Variants in KTN1 observed in about 807,000 individuals in gnomAD.
KTN1 encodes the protein kinectin.
In KTN1, 130 loss-of-function variants were observed where a neutral mutation model predicts 222.5. The ratio of observed to expected loss-of-function variants is 0.58; its 90% confidence interval spans 0.51 to 0.68. The LOEUF is 0.68. Among genes scored for constraint, KTN1 ranks in the 30% least tolerant of loss-of-function variants. The probability of loss-of-function intolerance (pLI) is 0.00; values close to 1 mark genes in which losing one functional copy is unlikely to be tolerated. For missense variants in KTN1, 1,508 were observed against 1,500.4 expected (o/e 1.01, Z -0.08); for synonymous variants, 512 against 496.3 (o/e 1.03, Z -0.42).
chr14:55,589,350 G>A (rs993386282), intron 1 of KTN1, among the ~76,000 whole-genome samples: 3 of 152,056 alleles, frequency 2.0e-5, no homozygotes, highest in Non-Finnish European at 4.4e-5. Flanking sequence ...CCAGGCTGGA[G>A]TGCAGTGGTA....
Position 55,587,169 on chromosome 14 carries a change from A to G in KTN1, c.-31+6815A>G, listed in dbSNP as rs546903652. Among the ~76,000 whole-genome samples, 12 of 152,244 alleles carry G rather than the reference A, an allele frequency of 7.9e-5. No homozygotes were observed. In the South Asian group the frequency reaches 2.5e-3, roughly 32 times the overall value. Reference sequence around the variant, plus strand: ...GCTAGTGCTCAATTTGAATGAATGGATGGTCTGATGCTTGAAAATGATTGG... The same window carrying G: ...GCTAGTGCTCAATTTGAATGAATGGGTGGTCTGATGCTTGAAAATGATTGG... On this transcript the variant is annotated intron_variant, in intron 1 of 43. Coordinates refer to ENST00000395314, the MANE Select transcript of KTN1 (RefSeq NM_001079521.2).
At position 55,679,678 on chromosome 14, in the gene KTN1, G is replaced by T. The variant is rs1474475652; in HGVS notation, c.4062G>T (p.Gln1354His). The change falls in exon 43 of 44, where the codon CAG (glutamine) becomes CAT (histidine). Residue 1354 changes from glutamine (Q) to histidine (H), a missense_variant. Physicochemically the swap from Gln to His is conservative, Grantham distance 24 (BLOSUM62 0). Transcript: ENST00000395314. Reference sequence around the variant, plus strand: ...TCACAAAGGAGAAAGAGCACTACCAGGTGTTAGGTAAGGACAACTGAAATA... The same window carrying T: ...TCACAAAGGAGAAAGAGCACTACCATGTGTTAGGTAAGGACAACTGAAATA... Reference protein sequence around the residue: ...QQLTKEKEHYQVLE With the variant: ...QQLTKEKEHYHVLE 1 of 1,613,790 alleles carries T rather than the reference G, an allele frequency of 6.2e-7. No individual in the cohort carries two copies. Among genetic ancestry groups the T allele is most frequent in the Non-Finnish European group, 8.5e-7 (1 of 1,179,808 alleles).
At chr14:55,657,301 T>G (rs2043583357) in intron 29 of KTN1, among the ~76,000 whole-genome samples, 1 of 152,190 alleles carries the variant, frequency 6.6e-6, no homozygotes, top group South Asian at 2.1e-4. Context: ...TAATTTGCAT[T>G]TGACTGCGAG....
At chr14:55,595,055 T>C (rs1000876576) in intron 1 of KTN1, among the ~76,000 whole-genome samples, 1 of 152,230 alleles carries the variant, frequency 6.6e-6, no homozygotes, top group Non-Finnish European at 1.5e-5. Context: ...ATAGAACACA[T>C]GCAGAAAAGA....
chr14:55,632,598 G>A (rs909956236), intron 7 of KTN1, among the ~76,000 whole-genome samples: 3 of 63,746 alleles, frequency 4.7e-5, no homozygotes, highest in South Asian at 1.1e-3. Flanking sequence ...GAGAGTTATG[G>A]AGAGATGAAT....
chr14:55,639,876 A>G (rs372625948), intron 13 of KTN1, 37 bp from the exon 14 acceptor site: 16 of 1,269,840 alleles, frequency 1.3e-5, no homozygotes, highest in Non-Finnish European at 1.8e-5. Flanking sequence ...TGACTTCTGA[A>G]TGTTTATTGA....
intron 31 of KTN1, among the ~76,000 whole-genome samples, chr14:55,660,697 T>C (rs2044040090): frequency 1.3e-5 from 2 of 152,212 alleles, no homozygotes; most frequent in African/African-American, 4.8e-5. Context: ...TTGGCAAATA[T>C]TTTCTGTAAA....
At chr14:55,678,258 A>G (rs2046052498) in intron 41 of KTN1, 94 bp from the exon 42 acceptor site, 2 of 753,560 alleles carry the variant, frequency 2.7e-6, no homozygotes, top group Non-Finnish European at 4.4e-6. Flanking sequence ...TTTTGAGAGG[A>G]GCTTTTATCT....
chr14:55,617,958 T>C lies in KTN1; in HGVS notation c.662-6T>C. On this transcript the variant is annotated splice_region_variant and splice_polypyrimidine_tract_variant and intron_variant, in intron 3 of 43. Transcript: ENST00000395314. ...TAATTATGATTTTGTTGAACTTAAATTGCAGTCTTCGTAGATGAACCCCTT... is the reference window on the plus strand; with the variant it reads ...TAATTATGATTTTGTTGAACTTAAACTGCAGTCTTCGTAGATGAACCCCTT... The C allele has an allele frequency of 6.4e-7, 1 of 1,555,170 alleles. No individual in the cohort carries two copies. Among genetic ancestry groups the C allele is most frequent in the South Asian group, 1.2e-5 (1 of 81,248 alleles).
At chr14:55,599,254 T>C (rs77520850) in intron 1 of KTN1, among the ~76,000 whole-genome samples, 5,830 of 152,292 alleles carry the variant, frequency 0.038, 157 homozygotes, top group Non-Finnish European at 0.055. Flanking sequence ...TAATAGTCTT[T>C]CACATTCTGT....
At chr14:55,669,918 TC>T (rs1176129084) in intron 34 of KTN1, among the ~76,000 whole-genome samples, 1 of 152,044 alleles carries the variant, frequency 6.6e-6, no homozygotes, top group African/African-American at 2.4e-5. Context: ...TGAGTTTTTT[TC>T]TTAAATTTAA....
chr14:55,649,461 G>T (rs970895916), intron 21 of KTN1, among the ~76,000 whole-genome samples: 6 of 152,158 alleles, frequency 3.9e-5, no homozygotes, highest in African/African-American at 1.4e-4. Context: ...TAAGACTCTA[G>T]TAAAAGAGGC....
chr14:55,680,509 A>G (rs2046268247), intron 43 of KTN1: 7 of 422,088 alleles, frequency 1.7e-5, no homozygotes, highest in South Asian at 1.3e-4. Flanking sequence ...ATTTTCTCTA[A>G]AACAATCATG....
intron 36 of KTN1, 65 bp downstream of exon 36, chr14:55,671,720 C>T: frequency 6.6e-7 from 1 of 1,522,190 alleles, no homozygotes; most frequent in Middle Eastern, 1.7e-4. Flanking sequence ...TCCTTCATGG[C>T]CTAAATAGTT....
In KTN1 at chr14:55,646,994, C is replaced by A; in HGVS notation, c.2194C>A (p.Gln732Lys). 6.5e-7 allele frequency: 1 copy of A among 1,532,934 alleles called. No individual in the cohort carries two copies. Among genetic ancestry groups the A allele is most frequent in the Non-Finnish European group, 9.0e-7 (1 of 1,109,942 alleles). The allele number at this position is 1,532,934 out of a possible 1,614,324, so 95.0% of individuals were successfully genotyped here. ...SEQPNKDVVE[Q>K]MEKCIQEKDE... is the part of the protein sequence containing the mutation. ...TTAGCCTAATAAGGATGTTGTGGAA[C>A]AAATGGAAAAATGGTAAGAGTTTAG... The change falls in exon 19 of 44, where the codon CAA becomes AAA. Residue 732 changes from glutamine (Q) to lysine (K), a missense_variant. Gln to Lys is a moderately conservative substitution (Grantham distance 53, BLOSUM62 1). Transcript: ENST00000395314.
chr14:55,646,870 A>G (rs577613530), intron 18 of KTN1, 103 bp from the exon 19 acceptor site: 90 of 738,846 alleles, frequency 1.2e-4, no homozygotes, highest in East Asian at 1.0e-4. Flanking sequence ...TTTTGTATCT[A>G]TTTAATAACC....
rs1566788874 is a variant in KTN1 at position 55,646,496 on chromosome 14, TTTCC to T, written c.2173-474_2173-471del. Among the ~76,000 whole-genome samples, 80 of 113,966 alleles carry T rather than the reference TTTCC, an allele frequency of 7.0e-4. No individual in the cohort carries two copies. The South Asian group carries it at 0.013, about 18-fold the overall frequency. The allele number at this position is 113,966 out of a possible 152,430, so 74.8% of individuals were successfully genotyped here. The stretch of plus-strand genomic sequence containing the variant: ...TTTCCTTTCCTTTCCTTTCCTTTCC[TTTCC>T]TTTCCTTTCCTTTCCTTTCCTTTCC... On this transcript the variant is annotated intron_variant, in intron 18 of 43. Transcript: ENST00000395314.
rs2036873883 is a variant in KTN1, at chr14:55,607,311, A to G, written c.-30-4708A>G. 2.0e-5 allele frequency: 3 copies of G among 152,208 alleles called. No individual in the cohort carries two copies. The South Asian group carries it at 6.2e-4, about 31-fold the overall frequency. 9.4% of individuals were successfully genotyped at this position (152,208 alleles called of 1,614,324 possible). A position where few individuals can be genotyped will look rare whatever the true frequency, so the allele number is the denominator to read the frequency against. On this transcript the variant is annotated intron_variant, in intron 1 of 43. Transcript: ENST00000395314. Reference sequence around the variant, plus strand: ...TACTCTGACGAAACACGACTTACATATTATGCGTGTTAACTTATTATAATT... The same window carrying G: ...TACTCTGACGAAACACGACTTACATGTTATGCGTGTTAACTTATTATAATT...
At position 55,637,271 on chromosome 14, in the gene KTN1, A is replaced by G. The variant is rs751071998; in HGVS notation, c.1623A>G (p.Val541=). The G allele has an allele frequency of 6.2e-6, 10 of 1,612,054 alleles. No individual in the cohort carries two copies. The African/African-American group carries it at 8.0e-5, about 13-fold the overall frequency. Residue 541 remains valine, a synonymous_variant, in exon 11 of 44, where the codon GTA becomes GTG. Coordinates refer to ENST00000395314, the MANE Select transcript of KTN1 (RefSeq NM_001079521.2). ...SLHSKLTDTL[V]SKQQLEQRLM... ...ATAGTAAGCTTACAGATACCTTGGT[A>G]TCAAAACAACAGTTGGAGCAAAGAC...
Sources: allele counts gnomAD v4.1 joint callset (sites outside exome capture counted in the v4.1 genomes callset), GRCh38; gene constraint gnomAD v4.1.1; transcripts MANE v1.5; gene names NCBI Gene and HGNC (gene_info 2026-07-23, HGNC 2026-07-21).